The following ELMO1 variants were observed in gnomAD, a reference collection of about 807,000 sequenced individuals.
The protein encoded by ELMO1 is engulfment and cell motility protein 1.
Under a neutral mutation model 98.9 loss-of-function variants are expected in ELMO1, and 26 were observed. The observed-to-expected ratio is 0.26, with a 90% CI of 0.19 to 0.36. ELMO1 has a LOEUF of 0.36. Ranked by LOEUF, ELMO1 falls within the 10% of genes least tolerant of loss-of-function variation. The pLI, the probability that ELMO1 is intolerant of heterozygous loss-of-function variation, is 1.00. For synonymous variants in ELMO1, 346 were observed against 346.0 expected (o/e 1.00, Z 0.00); for missense variants, 627 against 935.2 (o/e 0.67, Z 4.30).
At chr7:37,193,665 G>A (rs186115303) in intron 13 of ELMO1, among the ~76,000 whole-genome samples, 2 of 152,242 alleles carry the variant, frequency 1.3e-5, no homozygotes, top group East Asian at 1.9e-4. Context: ...ACTAGGAAAC[G>A]GCGAAAATAG....
intron 15 of ELMO1, among the ~76,000 whole-genome samples, chr7:37,091,629 G>C (rs1784099244): frequency 6.6e-6 from 1 of 152,054 alleles, no homozygotes; most frequent in Non-Finnish European, 1.5e-5. Flanking sequence ...TCAGTGTGCA[G>C]GGAATATAAC....
intron 10 of ELMO1, among the ~76,000 whole-genome samples, chr7:37,221,287 C>T (rs1255169436): frequency 6.6e-6 from 1 of 152,182 alleles, no homozygotes; most frequent in Non-Finnish European, 1.5e-5. Flanking sequence ...CATGTTTAGT[C>T]ACTGAGGTTT....
At position 37,259,133 on chromosome 7, in the gene ELMO1, G is replaced by A. The variant is rs115124310; in HGVS notation, c.413+48C>T. The A allele has an allele frequency of 5.1e-4, 800 of 1,556,930 alleles. 4 individuals are homozygous for A. In the African/African-American group the frequency reaches 1.0e-2, roughly 19 times the overall value. On this transcript the variant is annotated intron_variant, in intron 6 of 21. Coordinates refer to ENST00000310758, the MANE Select transcript of ELMO1 (RefSeq NM_014800.11). ...TAAGGCATGTAACAATATTCAAAAC[G>A]CGGAGACACGCAGGACAGCTGTGGA...
At chr7:37,136,904 A>C (rs1312877662) in intron 13 of ELMO1, among the ~76,000 whole-genome samples, 1 of 152,238 alleles carries the variant, frequency 6.6e-6, no homozygotes. Context: ...TGAATAGAAC[A>C]GTACCTCACA....
At chr7:37,327,604 G>GT (rs1193470104) in intron 2 of ELMO1, among the ~76,000 whole-genome samples, 7 of 152,182 alleles carry the variant, frequency 4.6e-5, no homozygotes, top group African/African-American at 1.7e-4. Flanking sequence ...TTCTCATTTA[G>GT]TTTTTTTATT....
chr7:37,107,547 G>A (rs58162549), intron 14 of ELMO1, among the ~76,000 whole-genome samples: 22,757 of 152,128 alleles, frequency 0.15, 3,060 homozygotes, highest in African/African-American at 0.36. Flanking sequence ...CACATGGCAG[G>A]GTTTTGACTC....
intron 15 of ELMO1, among the ~76,000 whole-genome samples, chr7:37,016,926 A>G (rs986684102): frequency 1.3e-5 from 2 of 152,170 alleles, no homozygotes; most frequent in Non-Finnish European, 2.9e-5. Context: ...CTGTTTCTCA[A>G]TTAACCCTGC....
At chr7:36,871,041 T>C (rs973762706) in intron 19 of ELMO1, among the ~76,000 whole-genome samples, 1 of 152,258 alleles carries the variant, frequency 6.6e-6, no homozygotes. Flanking sequence ...ATTAATTCTA[T>C]AAAGCAGGTT....
intron 12 of ELMO1, 84 bp downstream of exon 12, chr7:37,213,251 T>C: frequency 6.7e-7 from 1 of 1,499,116 alleles, no homozygotes; most frequent in African/African-American, 1.4e-5. Flanking sequence ...TGAAACTCCC[T>C]AGTTTCAGGG....
chr7:36,942,361 A>G (rs553995620), intron 16 of ELMO1, among the ~76,000 whole-genome samples: 1 of 152,242 alleles, frequency 6.6e-6, no homozygotes, highest in East Asian at 1.9e-4. Context: ...TCCCTCAGCT[A>G]TATCTAGAAA....
chr7:36,883,087 T>C (rs1437313681), intron 18 of ELMO1, among the ~76,000 whole-genome samples: 1 of 152,230 alleles, frequency 6.6e-6, no homozygotes, highest in Admixed American at 6.5e-5. Flanking sequence ...CTAGGTCTTC[T>C]GAGGGGGCCT....
intron 13 of ELMO1, among the ~76,000 whole-genome samples, chr7:37,181,126 T>C (rs1053852708): frequency 3.3e-5 from 5 of 152,240 alleles, no homozygotes; most frequent in Admixed American, 1.3e-4. Context: ...ATAACGACAG[T>C]CCCAAGAGAC....
chr7:37,436,419 C>T (rs1805145966), intron 1 of ELMO1, among the ~76,000 whole-genome samples: 1 of 152,180 alleles, frequency 6.6e-6, no homozygotes, highest in African/African-American at 2.4e-5. Flanking sequence ...AGCCATTAGA[C>T]AAGTGATTTT....
At chr7:36,893,448 A>G (rs942350337) in intron 17 of ELMO1, among the ~76,000 whole-genome samples, 3 of 152,186 alleles carry the variant, frequency 2.0e-5, no homozygotes, top group Admixed American at 6.5e-5. Flanking sequence ...AGGTTTTGCA[A>G]TGATGAAGCC....
upstream of ELMO1, chr7:37,448,935 GAC>G: frequency 6.6e-6 from 1 of 152,576 alleles, no homozygotes. Flanking sequence ...GCTGGCCAGA[GAC>G]ACATTTTGCA....
intron 4 of ELMO1, among the ~76,000 whole-genome samples, chr7:37,276,543 G>A (rs1037575799): frequency 1.3e-5 from 2 of 152,192 alleles, no homozygotes; most frequent in African/African-American, 2.4e-5. Context: ...CCCGGGAGGC[G>A]GAGCTTGCAG....
chr7:37,324,292 C>T (rs1227161033), intron 2 of ELMO1, among the ~76,000 whole-genome samples: 1 of 152,178 alleles, frequency 6.6e-6, no homozygotes, highest in East Asian at 1.9e-4. Flanking sequence ...TGGCAGCGCC[C>T]CCAGCCAATG....
At chr7:37,299,388 G>A (rs1277994611) in intron 4 of ELMO1, among the ~76,000 whole-genome samples, 1 of 145,594 alleles carries the variant, frequency 6.9e-6, no homozygotes, top group East Asian at 2.1e-4. Flanking sequence ...TTCTTCTAGG[G>A]TTTTTATGGT....
At chr7:36,985,931 C>A in intron 16 of ELMO1, 1 of 1,002,964 alleles carries the variant, frequency 1.0e-6, no homozygotes. Flanking sequence ...ACCAAGCTCC[C>A]GTAAGTCCAT....
Sources: allele counts gnomAD v4.1 joint callset (sites outside exome capture counted in the v4.1 genomes callset), GRCh38; gene constraint gnomAD v4.1.1; transcripts MANE v1.5; gene names NCBI Gene and HGNC (gene_info 2026-07-23, HGNC 2026-07-21).